The following TSPAN13 variants were observed in gnomAD, a reference collection of about 807,000 sequenced individuals.
TSPAN13 encodes tetraspanin-13.
In TSPAN13, 18 loss-of-function variants were observed where a neutral mutation model predicts 26.9. That is an observed-to-expected ratio of 0.67 (90% CI 0.46 to 0.99). TSPAN13 has a LOEUF of 0.99. Among genes scored for constraint, TSPAN13 ranks in the 50% least tolerant of loss-of-function variants. The pLI, the probability that TSPAN13 is intolerant of heterozygous loss-of-function variation, is 0.00. For missense variants in TSPAN13, 201 were observed against 249.6 expected (o/e 0.81, Z 1.31); for synonymous variants, 116 against 98.4 (o/e 1.18, Z -1.06).
intron 1 of TSPAN13, among the ~76,000 whole-genome samples, chr7:16,773,920 A>C (rs1034110658): frequency 1.3e-5 from 2 of 152,204 alleles, no homozygotes; most frequent in African/African-American, 4.8e-5. Context: ...GGTGTTGGCA[A>C]ATGTGATGGT....
At chr7:16,771,930 A>G (rs575232302) in intron 1 of TSPAN13, among the ~76,000 whole-genome samples, 77 of 152,254 alleles carry the variant, frequency 5.1e-4, no homozygotes, top group Non-Finnish European at 9.3e-4. Flanking sequence ...TTTTGCCTCT[A>G]TCTGCAGGAA....
chr7:16,768,016 G>A (rs1406164470), intron 1 of TSPAN13, among the ~76,000 whole-genome samples: 2 of 152,092 alleles, frequency 1.3e-5, no homozygotes, highest in African/African-American at 4.8e-5. Flanking sequence ...AGGTTCAAGC[G>A]ATTCTCCTGC....
chr7:16,767,940 A>G (rs544053764), intron 1 of TSPAN13, among the ~76,000 whole-genome samples: 4 of 152,086 alleles, frequency 2.6e-5, no homozygotes, highest in Admixed American at 2.6e-4. Flanking sequence ...GAGATGGAGT[A>G]TCGCTCTTGT....
intron 1 of TSPAN13, among the ~76,000 whole-genome samples, chr7:16,767,066 G>T (rs1784612610): frequency 6.6e-6 from 1 of 152,066 alleles, no homozygotes; most frequent in Admixed American, 6.6e-5. Context: ...GGCCTCCCAA[G>T]TCCCAGCTAC....
intron 1 of TSPAN13, among the ~76,000 whole-genome samples, chr7:16,768,844 A>C (rs1784641183): frequency 6.6e-6 from 1 of 152,122 alleles, no homozygotes; most frequent in African/African-American, 2.4e-5. Context: ...TGCTTTAACG[A>C]CTGAACCATT....
chr7:16,775,956 T>C (rs1349886991), intron 1 of TSPAN13: 1 of 374,592 alleles, frequency 2.7e-6, no homozygotes, highest in African/African-American at 2.1e-5. Context: ...TCTGAGGCTC[T>C]GTGAGAATTT....
Position 16,783,005 on chromosome 7 carries a change from C to T in TSPAN13, c.541-412C>T, listed in dbSNP as rs144968430. Among the ~76,000 whole-genome samples, 396 of 152,274 alleles carry T rather than the reference C, an allele frequency of 2.6e-3. 4 individuals carry two copies. Among genetic ancestry groups the T allele is most frequent in the South Asian group, 0.014 (68 of 4,830 alleles). On this transcript the variant is annotated intron_variant, in intron 5 of 5. Coordinates refer to ENST00000262067, the MANE Select transcript of TSPAN13 (RefSeq NM_014399.4). Reference sequence around the variant, plus strand: ...CTATTTCCCTTTACTTCTGCCATCACGGTGTCTTCTCTCCATGTTTCTGAC... The same window carrying T: ...CTATTTCCCTTTACTTCTGCCATCATGGTGTCTTCTCTCCATGTTTCTGAC...
chr7:16,777,862 T>C lies in TSPAN13; in HGVS notation c.377T>C (p.Leu126Pro). The C allele has an allele frequency of 6.2e-7, 1 of 1,613,962 alleles. No individual in the cohort carries two copies. Among genetic ancestry groups the C allele is most frequent in the South Asian group, 1.1e-5 (1 of 91,060 alleles). ...GCTCGAAATGACATCCAGAGAAATC[T>C]AAACTGCTGTGGGTTCCGAAGTGTT... ...ASARNDIQRN[L>P]NCCGFRSVNP... Residue 126 changes from leucine (L) to proline (P), a missense_variant, in exon 4 of 6, where the codon CTA becomes CCA. Coordinates refer to ENST00000262067, the MANE Select transcript of TSPAN13 (RefSeq NM_014399.4).
intron 4 of TSPAN13, 146 bp from the exon 5 acceptor site, chr7:16,778,857 G>T (rs929124677): frequency 1.0e-5 from 6 of 584,266 alleles, no homozygotes; most frequent in African/African-American, 5.7e-5. Context: ...AGTCTTGGGG[G>T]CTGTGTTAGA....
At position 16,783,508 on chromosome 7, in the gene TSPAN13, A is replaced by G. The variant is rs1224766876; in HGVS notation, c.*17A>G. On this transcript the variant is annotated 3_prime_UTR_variant, in exon 6 of 6. Transcript: ENST00000262067. ...TTCCTTTGATGAGAAAACAAGGAAG[A>G]TTTCCTTTCGTATTATGATCTTGTT... 1 of 1,607,640 alleles carries G rather than the reference A, an allele frequency of 6.2e-7. No individual in the cohort carries two copies. The highest frequency in any genetic ancestry group is 1.1e-5 in the South Asian group (1 of 90,832).
intron 1 of TSPAN13, among the ~76,000 whole-genome samples, chr7:16,754,366 G>A (rs1449942514): frequency 2.0e-5 from 3 of 152,124 alleles, no homozygotes; most frequent in African/African-American, 7.2e-5. Context: ...GTACCCTTCT[G>A]CCGCTCGCTC....
At chr7:16,777,387 A>G (rs548193307) in intron 3 of TSPAN13, among the ~76,000 whole-genome samples, 62 of 152,198 alleles carry the variant, frequency 4.1e-4, no homozygotes, top group East Asian at 1.9e-3. Context: ...TGTTCCCCCA[A>G]TCTTTTCCCA....
At chr7:16,762,144 T>C (rs1784548649) in intron 1 of TSPAN13, among the ~76,000 whole-genome samples, 1 of 152,180 alleles carries the variant, frequency 6.6e-6, no homozygotes, top group Non-Finnish European at 1.5e-5. Context: ...TGGTGGATAT[T>C]TGATGAAAGA....
intron 1 of TSPAN13, among the ~76,000 whole-genome samples, chr7:16,765,917 T>C (rs1784599202): frequency 6.6e-6 from 1 of 152,142 alleles, no homozygotes; most frequent in Non-Finnish European, 1.5e-5. Flanking sequence ...GTTAACTGTT[T>C]GAATCAACAA....
At position 16,776,877 on chromosome 7, in the gene TSPAN13, C is replaced by G. The variant is rs111696602; in HGVS notation, c.232-165C>G. ...TAAATTTGATGCAACTATGTATTAC[C>G]AAAATAATAATATGTGTATCCTTTT... On this transcript the variant is annotated intron_variant, in intron 2 of 5. Coordinates refer to ENST00000262067, the MANE Select transcript of TSPAN13 (RefSeq NM_014399.4). Among the ~76,000 whole-genome samples the G allele has an allele frequency of 2.3e-3, 347 of 152,016 alleles. 3 individuals carry two copies. The highest frequency in any genetic ancestry group is 7.8e-3 in the African/African-American group (323 of 41,438).
chr7:16,781,452 T>C (rs1355955549), intron 5 of TSPAN13, among the ~76,000 whole-genome samples: 2 of 152,214 alleles, frequency 1.3e-5, no homozygotes, highest in Non-Finnish European at 2.9e-5. Flanking sequence ...AAAAGTGCCC[T>C]CTTAATCATG....
At chr7:16,772,857 G>A (rs10276816) in intron 1 of TSPAN13, among the ~76,000 whole-genome samples, 5 of 152,038 alleles carry the variant, frequency 3.3e-5, no homozygotes, top group Non-Finnish European at 5.9e-5. Flanking sequence ...TTAGCTGGAC[G>A]TGGTGGCATA....
At chr7:16,762,445 A>G (rs1473102036) in intron 1 of TSPAN13, among the ~76,000 whole-genome samples, 2 of 152,202 alleles carry the variant, frequency 1.3e-5, no homozygotes, top group African/African-American at 2.4e-5. Flanking sequence ...TGGCTAATGA[A>G]TAACCTCGGG....
intron 1 of TSPAN13, among the ~76,000 whole-genome samples, chr7:16,773,236 C>G (rs13242718): frequency 6.6e-6 from 1 of 150,402 alleles, no homozygotes; most frequent in African/African-American, 2.5e-5. Context: ...ATACCGACTT[C>G]TAGAGCAGGG....
Sources: allele counts gnomAD v4.1 joint callset (sites outside exome capture counted in the v4.1 genomes callset), GRCh38; gene constraint gnomAD v4.1.1; transcripts MANE v1.5; gene names NCBI Gene and HGNC (gene_info 2026-07-23, HGNC 2026-07-21).